CCDC178: variants seen among roughly 807,000 people sequenced by gnomAD.
CCDC178 encodes the protein coiled-coil domain-containing protein 178.
Under a neutral mutation model 117.4 loss-of-function variants are expected in CCDC178, and 126 were observed. The observed-to-expected ratio is 1.07, with a 90% CI of 0.93 to 1.24. The LOEUF (loss-of-function observed/expected upper bound fraction) is 1.24. Ranked by LOEUF, CCDC178 falls within the 50% of genes most tolerant of loss-of-function variation. The pLI is 0.00. For missense variants in CCDC178, 1,030 were observed against 986.9 expected, an observed-to-expected ratio of 1.04 and a Z score of -0.59; for synonymous variants, 283 against 313.4, an observed-to-expected ratio of 0.90 and a Z score of 1.02.
chr18:33,161,758 T>C (rs570912630), intron 20 of CCDC178, among the ~76,000 whole-genome samples: 1 of 152,336 alleles, frequency 6.6e-6, no homozygotes, highest in East Asian at 1.9e-4. Context: ...TCATCATTTT[T>C]TATGGCTGCG....
intron 21 of CCDC178, among the ~76,000 whole-genome samples, chr18:33,023,148 A>G (rs2056155745): frequency 6.6e-6 from 1 of 152,132 alleles, no homozygotes; most frequent in South Asian, 2.1e-4. Flanking sequence ...GATTTCAACA[A>G]CCCTCTCTCA....
At position 33,358,871 on chromosome 18, in the gene CCDC178, T is replaced by A. The variant is rs564678950; in HGVS notation, c.349-2525A>T. On this transcript the variant is annotated intron_variant, in intron 6 of 22. Transcript: ENST00000383096. ...ACTAAAGGTAACAAGTTCCTAAAAG[T>A]CAATAAGAAAATACAAGTAAACCCA... is the stretch of plus-strand genomic sequence containing the variant. Among the ~76,000 whole-genome samples the A allele has an allele frequency of 5.3e-5, 8 of 151,778 alleles. No individual in the cohort carries two copies. The South Asian group carries it at 1.7e-3, about 32-fold the overall frequency.
At chr18:33,155,033 T>A (rs2058378847) in intron 20 of CCDC178, among the ~76,000 whole-genome samples, 2 of 152,104 alleles carry the variant, frequency 1.3e-5, no homozygotes, top group South Asian at 4.1e-4. Context: ...ATAATTGAGA[T>A]TATAGATTTT....
At chr18:33,299,257 T>C (rs1018685669) in intron 11 of CCDC178, among the ~76,000 whole-genome samples, 3 of 152,080 alleles carry the variant, frequency 2.0e-5, no homozygotes, top group Admixed American at 1.3e-4. Flanking sequence ...AATGGATACA[T>C]AGACCAACTA....
intron 12 of CCDC178, among the ~76,000 whole-genome samples, chr18:33,284,746 A>G (rs994406965): frequency 2.0e-4 from 30 of 152,228 alleles, no homozygotes; most frequent in African/African-American, 6.8e-4. Context: ...GGAAGAAAAC[A>G]GGATTCATTA....
intron 14 of CCDC178, among the ~76,000 whole-genome samples, chr18:33,250,902 C>A (rs1393606319): frequency 1.3e-5 from 2 of 151,394 alleles, no homozygotes; most frequent in African/African-American, 4.8e-5. Flanking sequence ...TTCTGAAGTT[C>A]CCAGAGAGAA....
At chr18:33,117,731 AAAAG>A (rs944987888) in intron 20 of CCDC178, among the ~76,000 whole-genome samples, 2 of 152,072 alleles carry the variant, frequency 1.3e-5, no homozygotes, top group African/African-American at 4.8e-5. Context: ...TTAAAAAAAA[AAAAG>A]AAAGAGACAC....
intron 15 of CCDC178, among the ~76,000 whole-genome samples, chr18:33,229,735 T>G (rs984083726): frequency 6.6e-6 from 1 of 152,156 alleles, no homozygotes; most frequent in African/African-American, 2.4e-5. Flanking sequence ...TTGTAGGGCC[T>G]CCTTTAACAT....
chr18:33,384,249 G>A (rs745317206), intron 5 of CCDC178, among the ~76,000 whole-genome samples: 5 of 152,242 alleles, frequency 3.3e-5, no homozygotes, highest in East Asian at 1.9e-4. Context: ...TAGAGTACCC[G>A]AAAGAGATGG....
intron 20 of CCDC178, among the ~76,000 whole-genome samples, chr18:33,176,096 C>A (rs1443892988): frequency 6.6e-6 from 1 of 152,124 alleles, no homozygotes; most frequent in Non-Finnish European, 1.5e-5. Flanking sequence ...CTATGTATTA[C>A]TTCCTTTAAA....
chr18:33,345,276 G>A (rs1361429157), intron 9 of CCDC178, among the ~76,000 whole-genome samples: 1 of 152,078 alleles, frequency 6.6e-6, no homozygotes, highest in Non-Finnish European at 1.5e-5. Context: ...GCAGAATCAG[G>A]AAGTCAGGCA....
intron 10 of CCDC178, among the ~76,000 whole-genome samples, 191 bp from the exon 11 acceptor site, chr18:33,323,824 T>G (rs2062549734): frequency 6.6e-6 from 1 of 151,846 alleles, no homozygotes; most frequent in Admixed American, 6.6e-5. Flanking sequence ...TAAATGTTAC[T>G]GAACAAAATA....
intron 14 of CCDC178, among the ~76,000 whole-genome samples, chr18:33,246,867 T>C (rs553401039): frequency 1.3e-5 from 2 of 151,948 alleles, no homozygotes; most frequent in East Asian, 3.9e-4. Flanking sequence ...GAATCAGTAA[T>C]TGCAATAATG....
intron 20 of CCDC178, among the ~76,000 whole-genome samples, chr18:33,122,391 A>C (rs2057948722): frequency 2.6e-5 from 4 of 152,174 alleles, no homozygotes; most frequent in African/African-American, 9.6e-5. Flanking sequence ...GAGAGACAGA[A>C]GGTATAAAAA....
intron 21 of CCDC178, among the ~76,000 whole-genome samples, chr18:32,990,168 A>G (rs910442858): frequency 1.3e-5 from 2 of 152,140 alleles, no homozygotes; most frequent in Non-Finnish European, 2.9e-5. Flanking sequence ...ATGCCTATGA[A>G]GAATCAATGT....
intron 20 of CCDC178, among the ~76,000 whole-genome samples, chr18:33,138,859 C>T (rs1308016444): frequency 6.6e-6 from 1 of 152,144 alleles, no homozygotes; most frequent in African/African-American, 2.4e-5. Flanking sequence ...TGAAGTGGTA[C>T]AGTCCCCTAA....
At chr18:33,408,096 T>C (rs2063805571) in intron 3 of CCDC178, among the ~76,000 whole-genome samples, 2 of 151,880 alleles carry the variant, frequency 1.3e-5, no homozygotes, top group Admixed American at 6.6e-5. Flanking sequence ...TATTTAAAAG[T>C]TGTAAATCCA....
At chr18:33,098,009 C>A (rs1483370382) in intron 20 of CCDC178, among the ~76,000 whole-genome samples, 3 of 152,024 alleles carry the variant, frequency 2.0e-5, no homozygotes, top group Non-Finnish European at 2.9e-5. Context: ...GAACTGTGGA[C>A]TATGGTTGAA....
At position 33,375,315 on chromosome 18, in the gene CCDC178, T is replaced by C. The variant is rs75218017; in HGVS notation, c.209-5126A>G. ...ATATTCCTTAAATATGACTATTTGA[T>C]AAGAAATAATCTTTTCCTCTACACT... On this transcript the variant is annotated intron_variant, in intron 5 of 22. Transcript: ENST00000383096. 9.6e-3 allele frequency among the ~76,000 whole-genome samples: 1,462 copies of C among 152,270 alleles called. 17 individuals carry two copies. The highest frequency in any genetic ancestry group is 0.033 in the African/African-American group (1,383 of 41,560).
Sources: gnomAD v4.1 joint callset for allele counts (sites outside exome capture counted in the v4.1 genomes callset) on GRCh38, gnomAD v4.1.1 for gene constraint, MANE v1.5 for transcripts, NCBI Gene and HGNC (gene_info 2026-07-23, HGNC 2026-07-21) for gene names.